Variants in GALNT13 observed in about 807,000 individuals in gnomAD.
The protein encoded by GALNT13 is polypeptide N-acetylgalactosaminyltransferase 13.
In GALNT13, 28 loss-of-function variants were observed where a neutral mutation model predicts 64.2. The observed-to-expected ratio is 0.44, with a 90% CI of 0.32 to 0.60. The LOEUF (loss-of-function observed/expected upper bound fraction) is 0.60, where lower values mean the gene tolerates loss of function less well. Ranked by LOEUF, GALNT13 falls within the 20% of genes least tolerant of loss-of-function variation. GALNT13 has a pLI of 0.05. For missense variants in GALNT13, 577 were observed against 669.8 expected, an observed-to-expected ratio of 0.86 and a Z score of 1.53; for synonymous variants, 214 against 224.6, an observed-to-expected ratio of 0.95 and a Z score of 0.42.
At chr2:154,267,771 A>G (rs1361154188) in intron 8 of GALNT13, among the ~76,000 whole-genome samples, 2 of 152,216 alleles carry the variant, frequency 1.3e-5, no homozygotes, top group Non-Finnish European at 2.9e-5. Context: ...ATCTAGAAAA[A>G]AAAACTCTCA....
chr2:154,438,603 C>T lies in GALNT13; in HGVS notation c.1407C>T (p.Tyr469=), dbSNP rs554146263. ...ATTTATATTTTCAGGTATTTTCTTA[C>T]ACTGCTGACAAAGAAATCCGAACCG... ...HGMGGNQVFS[Y]TADKEIRTDD... The change falls in exon 12 of 13, where the codon TAC becomes TAT. Residue 469 remains tyrosine (Y), a synonymous_variant. Coordinates refer to ENST00000392825, the MANE Select transcript of GALNT13 (RefSeq NM_052917.4). The T allele has an allele frequency of 1.2e-6, 2 of 1,610,212 alleles. No individual in the cohort carries two copies. The highest frequency in any genetic ancestry group is 4.5e-5 in the East Asian group (2 of 44,782).
chr2:154,340,504 G>A (rs1262867398), intron 9 of GALNT13, among the ~76,000 whole-genome samples: 1 of 151,956 alleles, frequency 6.6e-6, no homozygotes, highest in African/African-American at 2.4e-5. Flanking sequence ...TTAATAAAAT[G>A]TTTTTTTGAT....
At chr2:154,088,769 T>A (rs945237106) in intron 3 of GALNT13, among the ~76,000 whole-genome samples, 4 of 152,108 alleles carry the variant, frequency 2.6e-5, no homozygotes, top group African/African-American at 7.2e-5. Flanking sequence ...TATTTTAAAA[T>A]GAAACATCAG....
intron 3 of GALNT13, among the ~76,000 whole-genome samples, chr2:154,097,701 T>A (rs962243798): frequency 1.4e-5 from 2 of 146,814 alleles, no homozygotes; most frequent in Non-Finnish European, 3.0e-5. Context: ...GAAAAAAAAA[T>A]ACATATTAGG....
At chr2:153,126,190 A>C in the GALNT13 span, among the ~76,000 whole-genome samples, 6 of 151,640 alleles carry the variant, frequency 4.0e-5, no homozygotes, top group African/African-American at 1.5e-4. Context: ...ATGGACAGTA[A>C]CTTGGAACTC....
chr2:153,173,488 T>C, the GALNT13 span, among the ~76,000 whole-genome samples: 8 of 152,330 alleles, frequency 5.3e-5, no homozygotes, highest in East Asian at 1.3e-3. Flanking sequence ...TCTGTCATTA[T>C]ATGGCTGTCT....
At chr2:153,778,846 TTCTTCATTATTTTTCTGTACTCC>T in the GALNT13 span, among the ~76,000 whole-genome samples, 1 of 152,216 alleles carries the variant, frequency 6.6e-6, no homozygotes, top group African/African-American at 2.4e-5. Context: ...CAAATAGTTT[TTCTTCATTATTTTTCTGTACTCC>T]TCTTTGAAAG....
intron 9 of GALNT13, among the ~76,000 whole-genome samples, chr2:154,306,979 G>C (rs1031151695): frequency 1.3e-5 from 2 of 150,236 alleles, no homozygotes; most frequent in Non-Finnish European, 2.9e-5. Flanking sequence ...GTTTGTTTCA[G>C]AAAGGGCTGT....
chr2:153,111,876 T>C, the GALNT13 span, among the ~76,000 whole-genome samples: 1 of 152,170 alleles, frequency 6.6e-6, no homozygotes, highest in East Asian at 1.9e-4. Context: ...GTTATCTGTT[T>C]CTGAAAGTTG....
At chr2:153,857,659 C>CAT in the GALNT13 span, among the ~76,000 whole-genome samples, 2 of 152,166 alleles carry the variant, frequency 1.3e-5, no homozygotes, top group Non-Finnish European at 2.9e-5. Context: ...TGCACTTCCA[C>CAT]ATATATATTT....
At chr2:153,771,005 A>T in the GALNT13 span, among the ~76,000 whole-genome samples, 1 of 152,176 alleles carries the variant, frequency 6.6e-6, no homozygotes, top group Non-Finnish European at 1.5e-5. Context: ...TTGGTGCTCC[A>T]AACACCTGGA....
intron 3 of GALNT13, among the ~76,000 whole-genome samples, chr2:153,953,440 T>C (rs1692341734): frequency 1.3e-5 from 2 of 152,116 alleles, no homozygotes; most frequent in Admixed American, 1.3e-4. Context: ...TTGGCATTAT[T>C]ATTATTATTA....
At chr2:154,208,759 C>T (rs777460328) in intron 4 of GALNT13, among the ~76,000 whole-genome samples, 11 of 151,656 alleles carry the variant, frequency 7.3e-5, no homozygotes, top group Non-Finnish European at 1.0e-4. Flanking sequence ...CCATAAGTAT[C>T]ATATTTTTAT....
At chr2:154,442,009 G>A (rs757015843) in intron 12 of GALNT13, among the ~76,000 whole-genome samples, 10 of 151,958 alleles carry the variant, frequency 6.6e-5, no homozygotes, top group Non-Finnish European at 1.2e-4. Context: ...ACACTACATT[G>A]CCTCTTGATG....
chr2:153,761,019 C>G, the GALNT13 span, among the ~76,000 whole-genome samples: 1 of 151,982 alleles, frequency 6.6e-6, no homozygotes, highest in African/African-American at 2.4e-5. Context: ...GATTTAAAGC[C>G]TACTTTAAGT....
chr2:153,954,389 T>C (rs545726293), intron 3 of GALNT13, among the ~76,000 whole-genome samples: 11 of 152,106 alleles, frequency 7.2e-5, no homozygotes, highest in African/African-American at 2.6e-4. Context: ...GGCATATATG[T>C]CCCGGATAAT....
At chr2:154,446,738 T>C in intron 12 of GALNT13, 1 of 1,538,694 alleles carries the variant, frequency 6.5e-7, no homozygotes, top group Non-Finnish European at 8.8e-7. Context: ...GGAATTCTAC[T>C]GATTACATTC....
chr2:153,283,110 T>C, the GALNT13 span, among the ~76,000 whole-genome samples: 7 of 152,294 alleles, frequency 4.6e-5, no homozygotes, highest in South Asian at 1.4e-3. Context: ...GAGGGCTCAG[T>C]GGTCTGAGCT....
At chr2:153,778,713 A>G in the GALNT13 span, among the ~76,000 whole-genome samples, 1 of 152,180 alleles carries the variant, frequency 6.6e-6, no homozygotes, top group Non-Finnish European at 1.5e-5. Context: ...CTCAATCTCT[A>G]TTATAATCTC....
Sources: allele counts gnomAD v4.1 joint callset (sites outside exome capture counted in the v4.1 genomes callset), GRCh38; gene constraint gnomAD v4.1.1; transcripts MANE v1.5; gene names NCBI Gene and HGNC (gene_info 2026-07-23, HGNC 2026-07-21).